Variants in SLC2A9 observed in about 807,000 individuals in gnomAD.
SLC2A9 encodes solute carrier family 2, facilitated glucose transporter member 9.
In SLC2A9, 39 loss-of-function variants were observed where a neutral mutation model predicts 50.6. The ratio of observed to expected loss-of-function variants is 0.77; its 90% CI spans 0.60 to 1.01. SLC2A9 has a LOEUF of 1.01. SLC2A9 is among the 50% of genes least tolerant of loss of function. The probability of loss-of-function intolerance (pLI) is 0.00; values close to 1 mark genes in which losing one functional copy is unlikely to be tolerated. For missense variants in SLC2A9, 686 were observed against 677.6 expected (o/e 1.01, Z -0.14); for synonymous variants, 324 against 276.9 (o/e 1.17, Z -1.69).
Position 10,021,340 on chromosome 4 carries a change from C to T in SLC2A9, c.90G>A (p.Gly30=), listed in dbSNP as rs2109565873. ...DTSHAGPPGP[G]RALLECDHLR... Reference sequence around the variant, plus strand: ...GGTGGTCACACTCCAGCAGTGCCCTCCCTGGCCCTGGAGGCCCGGCGTGGC... The same window carrying T: ...GGTGGTCACACTCCAGCAGTGCCCTTCCTGGCCCTGGAGGCCCGGCGTGGC... Residue 30 remains glycine (G), a synonymous_variant, in exon 1 of 12, where the codon GGG becomes GGA. Transcript: ENST00000264784. 1 of 1,614,224 alleles carries T rather than the reference C, an allele frequency of 6.2e-7. No homozygotes were observed.
At chr4:9,772,510 G>T (rs867780401) in intron 1 of SLC2A9, among the ~76,000 whole-genome samples, 1 of 152,188 alleles carries the variant, frequency 6.6e-6, no homozygotes, top group African/African-American at 2.4e-5. Context: ...GGTGTTGGGT[G>T]GCCGCATTGA....
intron 10 of SLC2A9, among the ~76,000 whole-genome samples, chr4:9,871,241 T>C (rs1733382281): frequency 6.6e-6 from 1 of 152,204 alleles, no homozygotes. Flanking sequence ...ACCCTGCATC[T>C]ACAGCTATGT....
chr4:9,886,189 G>T (rs1736165840), intron 10 of SLC2A9, among the ~76,000 whole-genome samples: 2 of 152,226 alleles, frequency 1.3e-5, no homozygotes, highest in African/African-American at 4.8e-5. Context: ...TGTCTGGTTT[G>T]CTCACGCATG....
chr4:9,825,940 G>A (rs907195071), downstream of SLC2A9, among the ~76,000 whole-genome samples: 4 of 152,226 alleles, frequency 2.6e-5, no homozygotes, highest in Admixed American at 2.6e-4. Context: ...GATCCAGGTT[G>A]AGGGCAGGTC....
At chr4:9,900,283 C>T (rs979690994) in intron 8 of SLC2A9, among the ~76,000 whole-genome samples, 4 of 152,036 alleles carry the variant, frequency 2.6e-5, no homozygotes, top group Non-Finnish European at 4.4e-5. Flanking sequence ...CTGGTGGGGC[C>T]GGACACAGGG....
At chr4:9,932,890 T>C (rs1205894091) in intron 6 of SLC2A9, among the ~76,000 whole-genome samples, 1 of 152,192 alleles carries the variant, frequency 6.6e-6, no homozygotes. Context: ...CACTGATGCA[T>C]CGTTAGAGGA....
In SLC2A9 at chr4:9,874,895, CGTCT is replaced by C. The variant is rs1351778659; in HGVS notation, c.1291+12668_1291+12671del. Among the ~76,000 whole-genome samples, 4 of 127,346 alleles carry C rather than the reference CGTCT, an allele frequency of 3.1e-5. 1 individual carries two copies. The highest frequency in any genetic ancestry group is 2.3e-4 in the Admixed American group (3 of 13,326). The allele number at this position is 127,346 out of a possible 152,430, so 83.5% of individuals were successfully genotyped here. ...GTCTTTAGAAATGGCCATAGGTTAGCGTCTGTCTAAGATGGGATGCTGTGTCTTT... is the reference window on the plus strand; with the variant it reads ...GTCTTTAGAAATGGCCATAGGTTAGCGTCTAAGATGGGATGCTGTGTCTTT... On this transcript the variant is annotated intron_variant, in intron 10 of 11. Coordinates refer to ENST00000264784, the MANE Select transcript of SLC2A9 (RefSeq NM_020041.3).
chr4:9,796,717 G>T (rs1720637065), downstream of SLC2A9, among the ~76,000 whole-genome samples: 1 of 152,194 alleles, frequency 6.6e-6, no homozygotes. Flanking sequence ...AGATTCAGAT[G>T]GGCCTGGATC....
chr4:10,011,252 G>A (rs1761716894), intron 2 of SLC2A9, among the ~76,000 whole-genome samples: 1 of 152,120 alleles, frequency 6.6e-6, no homozygotes, highest in African/African-American at 2.4e-5. Flanking sequence ...GCTTTGCCCA[G>A]GCACCACCAT....
chr4:9,873,682 A>T (rs552101465), intron 10 of SLC2A9, among the ~76,000 whole-genome samples: 3 of 152,280 alleles, frequency 2.0e-5, no homozygotes, highest in African/African-American at 7.2e-5. Context: ...TGCCCAGATG[A>T]CCTGCCAGCT....
chr4:9,824,608 C>T (rs1230473194), downstream of SLC2A9, among the ~76,000 whole-genome samples: 1 of 152,166 alleles, frequency 6.6e-6, no homozygotes, highest in Non-Finnish European at 1.5e-5. Context: ...GACAACTTTA[C>T]AGTTAATGCT....
intron 10 of SLC2A9, among the ~76,000 whole-genome samples, chr4:9,869,413 G>C (rs1560214309): frequency 6.6e-6 from 1 of 152,174 alleles, no homozygotes; most frequent in Non-Finnish European, 1.5e-5. Flanking sequence ...TTCACCAGCT[G>C]CTGGTTCCCA....
intron 6 of SLC2A9, among the ~76,000 whole-genome samples, chr4:9,935,805 C>T (rs531432089): frequency 1.4e-4 from 22 of 152,160 alleles, no homozygotes; most frequent in Middle Eastern, 6.3e-3. Flanking sequence ...CAGGACCTCA[C>T]GCTGGGGGCT....
chr4:9,983,474 GC>G (rs1216750080), intron 4 of SLC2A9, among the ~76,000 whole-genome samples: 2 of 152,190 alleles, frequency 1.3e-5, no homozygotes, highest in African/African-American at 2.4e-5. Flanking sequence ...GGCAGCCCAG[GC>G]CCCCCTGGCC....
At chr4:9,841,817 G>A (rs377336859) in intron 10 of SLC2A9, among the ~76,000 whole-genome samples, 12 of 152,204 alleles carry the variant, frequency 7.9e-5, no homozygotes, top group African/African-American at 2.9e-4. Context: ...GTCTTAGGAA[G>A]TGGCAATCCC....
intron 7 of SLC2A9, among the ~76,000 whole-genome samples, chr4:9,918,404 G>T (rs1394166597): frequency 2.0e-5 from 3 of 152,302 alleles, no homozygotes; most frequent in South Asian, 4.1e-4. Context: ...AACAGCATGG[G>T]TCTCTCTGTA....
In SLC2A9 at chr4:10,021,366, T is replaced by C. The variant is rs774549464; in HGVS notation, c.64A>G (p.Ser22Gly). 1 of 1,614,238 alleles carries C rather than the reference T, an allele frequency of 6.2e-7. No individual in the cohort carries two copies. Residue 22 changes from serine to glycine, a missense_variant, in exon 1 of 12, where the codon AGC (serine) becomes GGC (glycine). By Grantham distance (56) the Ser-to-Gly change is moderately conservative (BLOSUM62 0). Transcript: ENST00000264784. Reference protein sequence around the residue: ...LGLVPLTDDTSHAGPPGPGRA... With the variant: ...LGLVPLTDDTGHAGPPGPGRA... ...CCTGGCCCTGGAGGCCCGGCGTGGC[T>C]GGTGTCATCTGTGAGGGGAACTAGG...
At chr4:9,827,308 T>G (rs988241683) in intron 11 of SLC2A9, among the ~76,000 whole-genome samples, 38 of 152,214 alleles carry the variant, frequency 2.5e-4, no homozygotes, top group African/African-American at 9.2e-4. Flanking sequence ...CTTGAAATCC[T>G]AGCCTCAATC....
chr4:9,999,670 C>A (rs774138301), intron 2 of SLC2A9, among the ~76,000 whole-genome samples: 73 of 152,000 alleles, frequency 4.8e-4, no homozygotes, highest in Admixed American at 2.0e-3. Flanking sequence ...CCTGATAGGT[C>A]ATGGAAGTTA....
Sources: allele counts gnomAD v4.1 joint callset (sites outside exome capture counted in the v4.1 genomes callset), GRCh38; gene constraint gnomAD v4.1.1; transcripts MANE v1.5; gene names NCBI Gene and HGNC (gene_info 2026-07-23, HGNC 2026-07-21).